DEPDC7: variants seen among roughly 807,000 people sequenced by gnomAD.
DEPDC7 encodes the protein DEP domain-containing protein 7.
A neutral mutation model predicts 56.6 loss-of-function variants in DEPDC7; 41 were observed. The ratio of observed to expected loss-of-function variants is 0.72; its 90% confidence interval spans 0.56 to 0.94. The LOEUF (loss-of-function observed/expected upper bound fraction) is 0.94. Ranked by LOEUF, DEPDC7 falls within the 40% of genes least tolerant of loss-of-function variation. DEPDC7 has a pLI of 0.00. For synonymous variants in DEPDC7, 185 were observed against 208.8 expected (o/e 0.89, Z 0.98); for missense variants, 522 against 596.3 (o/e 0.88, Z 1.30).
rs1483962110 is a variant in DEPDC7 at position 33,028,197 on chromosome 11, T to C, written c.592+384T>C. 1.5e-5 allele frequency: 3 copies of C among 194,840 alleles called. No homozygotes were observed. In the Admixed American group the frequency reaches 1.8e-4, roughly 12 times the overall value. The allele number at this position is 194,840 out of a possible 1,614,324, so 12.1% of individuals were successfully genotyped here. ...CTTCCTTGTCTGTAGCAATGGAATA[T>C]AGTTTAATGACTTTAATTTCCACCC... On this transcript the variant is annotated intron_variant, in intron 3 of 8. Coordinates refer to ENST00000241051, the MANE Select transcript of DEPDC7 (RefSeq NM_001077242.2).
chr11:33,027,825 A>G lies in DEPDC7; in HGVS notation c.592+12A>G, dbSNP rs1277391552. On this transcript the variant is annotated intron_variant, in intron 3 of 8. Coordinates refer to ENST00000241051, the MANE Select transcript of DEPDC7 (RefSeq NM_001077242.2). The stretch of plus-strand genomic sequence containing the variant: ...CTTGTCTCCACAAGGTAAGCTAAGG[A>G]TGAAGCAAAGTAAGAAGTAGAAGAC... 13 of 1,529,092 alleles carry G rather than the reference A, an allele frequency of 8.5e-6. No individual in the cohort carries two copies. The highest frequency in any genetic ancestry group is 1.1e-5 in the Non-Finnish European group (13 of 1,146,532). 94.7% of individuals were successfully genotyped at this position (1,529,092 alleles called of 1,614,324 possible). A position where few individuals can be genotyped will look rare whatever the true frequency, so the allele number is the denominator to read the frequency against.
chr11:33,020,049 C>T (rs1853507913), intron 1 of DEPDC7, among the ~76,000 whole-genome samples: 1 of 152,026 alleles, frequency 6.6e-6, no homozygotes, highest in Non-Finnish European at 1.5e-5. Context: ...TTAATATAAT[C>T]TTACTATTTG....
chr11:33,016,642 A>G (rs1001579218), intron 1 of DEPDC7: 5 of 1,567,658 alleles, frequency 3.2e-6, no homozygotes, highest in African/African-American at 2.7e-5. Flanking sequence ...GTTTTTGGCT[A>G]AAAAAACAGT....
At chr11:33,017,807 G>A (rs914431802) in intron 1 of DEPDC7, among the ~76,000 whole-genome samples, 4 of 152,166 alleles carry the variant, frequency 2.6e-5, no homozygotes, top group African/African-American at 9.7e-5. Context: ...CCTGATTTAT[G>A]TACAAGAAAT....
Position 33,015,894 on chromosome 11 carries a change from C to A in DEPDC7, c.-62C>A. ...ACGCCCCGCACAGTTAACAGACGGGCGCTCAGGGAGCTAGGGAGCTGTGAA... is the reference window on the plus strand; with the variant it reads ...ACGCCCCGCACAGTTAACAGACGGGAGCTCAGGGAGCTAGGGAGCTGTGAA... On this transcript the variant is annotated 5_prime_UTR_variant, in exon 1 of 9. Coordinates refer to ENST00000241051, the MANE Select transcript of DEPDC7 (RefSeq NM_001077242.2). The A allele has an allele frequency of 1.3e-6, 2 of 1,489,386 alleles. No individual in the cohort carries two copies. The highest frequency in any genetic ancestry group is 1.8e-6 in the Non-Finnish European group (2 of 1,103,208). The allele number at this position is 1,489,386 out of a possible 1,614,324, so 92.3% of individuals were successfully genotyped here.
rs772307772 is a variant in DEPDC7, at chr11:33,028,762, G to A, written c.752G>A (p.Arg251Gln). 11 of 1,612,070 alleles carry A rather than the reference G, an allele frequency of 6.8e-6. No individual in the cohort carries two copies. Among genetic ancestry groups the A allele is most frequent in the Middle Eastern group, 1.6e-4 (1 of 6,070 alleles). The change falls in exon 4 of 9, where the codon CGA becomes CAA. Residue 251 changes from arginine to glutamine, a missense_variant. Transcript: ENST00000241051. ...TMVNSSNYLDRGILKAYSDSQ... is the reference protein window; with the variant it reads ...TMVNSSNYLDQGILKAYSDSQ... Reference sequence around the variant, plus strand: ...GTCAACAGCAGTAACTATCTGGATCGAGGGATTCTCAAGGCTTATAGTGAC... The same window carrying A: ...GTCAACAGCAGTAACTATCTGGATCAAGGGATTCTCAAGGCTTATAGTGAC...
Position 33,017,291 on chromosome 11 carries a change from A to G in DEPDC7, c.73+1263A>G, listed in dbSNP as rs76848693. Among the ~76,000 whole-genome samples, 33 of 152,310 alleles carry G rather than the reference A, an allele frequency of 2.2e-4. No individual in the cohort carries two copies. In the East Asian group the frequency reaches 6.0e-3, roughly 28 times the overall value. On this transcript the variant is annotated intron_variant, in intron 1 of 8. Coordinates refer to ENST00000241051, the MANE Select transcript of DEPDC7 (RefSeq NM_001077242.2). ...AATGACATTGAAAACAGTCTTGAGA[A>G]ATCTTTTGGGCCCACTTACTCAGTG...
chr11:33,030,236 G>T (rs554444166), intron 4 of DEPDC7, among the ~76,000 whole-genome samples: 5 of 152,308 alleles, frequency 3.3e-5, no homozygotes, highest in Admixed American at 6.5e-5. Flanking sequence ...GGGATTACAG[G>T]CGTGAGCCAC....
At chr11:33,030,986 G>A (rs1378221876) in intron 4 of DEPDC7, among the ~76,000 whole-genome samples, 1 of 152,204 alleles carries the variant, frequency 6.6e-6, no homozygotes, top group Non-Finnish European at 1.5e-5. Context: ...ACATTGTGTT[G>A]GAGAAATACT....
chr11:33,025,995 T>C lies in DEPDC7; in HGVS notation c.410T>C (p.Ile137Thr), dbSNP rs1308561487. 6.2e-7 allele frequency: 1 copy of C among 1,614,044 alleles called. No homozygotes were observed. Among genetic ancestry groups the C allele is most frequent in the Non-Finnish European group, 8.5e-7 (1 of 1,180,000 alleles). The change falls in exon 2 of 9, where the codon ATA (isoleucine) becomes ACA (threonine). Residue 137 changes from isoleucine to threonine, a missense_variant. Coordinates refer to ENST00000241051, the MANE Select transcript of DEPDC7 (RefSeq NM_001077242.2). Reference protein sequence around the residue: ...SSCSLYRFTTIPNQDSQLGKE... With the variant: ...SSCSLYRFTTTPNQDSQLGKE... ...TGCAGCCTTTATAGATTCACCACAA[T>C]ACCTAACCAAGACAGTCAGTTAGGC...
At chr11:33,028,495 T>C in intron 3 of DEPDC7, 108 bp from the exon 4 acceptor site, 1 of 861,352 alleles carries the variant, frequency 1.2e-6, no homozygotes, top group Non-Finnish European at 1.7e-6. Context: ...ACTTTTTCTT[T>C]CTTTTTGGCC....
At position 33,027,175 on chromosome 11, in the gene DEPDC7, A is replaced by T. The variant is rs576947990; in HGVS notation, c.465-511A>T. On this transcript the variant is annotated intron_variant, in intron 2 of 8. Transcript: ENST00000241051. ...CTGGGACAGCATCTGGTAATCAAGC[A>T]TAATGATATTTCCGTGGTAAACAAA... Among the ~76,000 whole-genome samples, 3 of 152,362 alleles carry T rather than the reference A, an allele frequency of 2.0e-5. No individual in the cohort carries two copies. In the South Asian group the frequency reaches 6.2e-4, roughly 32 times the overall value.
rs1853574845 is a variant in DEPDC7 at position 33,026,019 on chromosome 11, G to A, written c.434G>A (p.Gly145Asp). 1.2e-6 allele frequency: 2 copies of A among 1,613,834 alleles called. No individual in the cohort carries two copies. The highest frequency in any genetic ancestry group is 1.7e-6 in the Non-Finnish European group (2 of 1,180,012). ...ATACCTAACCAAGACAGTCAGTTAG[G>A]CAAAGAGAACAAACTATATTCACCT... The part of the protein sequence containing the change: ...TTIPNQDSQL[G>D]KENKLYSPAR... Residue 145 changes from glycine (G) to aspartate (D), a missense_variant, in exon 2 of 9, where the codon GGC becomes GAC. Coordinates refer to ENST00000241051, the MANE Select transcript of DEPDC7 (RefSeq NM_001077242.2).
intron 3 of DEPDC7, chr11:33,028,026 G>C (rs1050843203): frequency 2.6e-6 from 1 of 389,692 alleles, no homozygotes; most frequent in Non-Finnish European, 4.4e-6. Flanking sequence ...ACTTTTGTCC[G>C]ATCAGCTGGC....
At chr11:33,020,853 T>C (rs545776822) in intron 1 of DEPDC7, among the ~76,000 whole-genome samples, 1 of 152,316 alleles carries the variant, frequency 6.6e-6, no homozygotes, top group East Asian at 1.9e-4. Context: ...AACTATTTTA[T>C]CAGTAGATAA....
Position 33,032,957 on chromosome 11 carries a change from T to G in DEPDC7, c.1332T>G (p.Asn444Lys), listed in dbSNP as rs185768707. ...LMAIQNGRDPNRDAGYIYCQR... is the reference protein window; with the variant it reads ...LMAIQNGRDPKRDAGYIYCQR... The stretch of plus-strand genomic sequence containing the variant: ...CCATACAGAACGGAAGAGATCCAAA[T>G]AGAGATGCAGGTAATCTGAGAAATA... Residue 444 changes from asparagine (N) to lysine (K), a missense_variant, in exon 8 of 9, where the codon AAT (asparagine) becomes AAG (lysine). Transcript: ENST00000241051. 1.2e-3 allele frequency: 1,836 copies of G among 1,582,948 alleles called. 42 individuals are homozygous for G. In the Admixed American group the frequency reaches 0.032, roughly 27 times the overall value.
At chr11:33,016,112 G>A (rs938479542) in intron 1 of DEPDC7, 84 bp downstream of exon 1, 2 of 1,256,122 alleles carry the variant, frequency 1.6e-6, no homozygotes, top group Non-Finnish European at 1.0e-6. Flanking sequence ...CGGGCGGCGT[G>A]GGGCGTTCGG....
rs753518618 is a variant in DEPDC7, at chr11:33,016,586, G to T, written c.73+558G>T. On this transcript the variant is annotated intron_variant, in intron 1 of 8. Transcript: ENST00000241051. ...TACTGGCAGGAATTTGGCATAAAAG[G>T]TATTTATTAACACTTTATGTATAAG... The T allele has an allele frequency of 3.7e-6, 6 of 1,613,942 alleles. No homozygotes were observed. The South Asian group carries it at 4.4e-5, about 12-fold the overall frequency.
intron 4 of DEPDC7, among the ~76,000 whole-genome samples, chr11:33,030,134 A>G (rs1207270768): frequency 6.6e-6 from 1 of 152,020 alleles, no homozygotes; most frequent in Non-Finnish European, 1.5e-5. Context: ...TGATTTTTGT[A>G]TTTTTAGTAG....
Sources: allele counts gnomAD v4.1 joint callset (sites outside exome capture counted in the v4.1 genomes callset), GRCh38; gene constraint gnomAD v4.1.1; transcripts MANE v1.5; gene names NCBI Gene and HGNC (gene_info 2026-07-23, HGNC 2026-07-21).